The following SKIL variants were observed in gnomAD, a reference collection of about 807,000 sequenced individuals.
SKIL encodes ski-like protein.
A neutral mutation model predicts 69.6 loss-of-function variants in SKIL; 20 were observed. That is an observed-to-expected ratio of 0.29 (90% CI 0.20 to 0.42). SKIL has a LOEUF of 0.42. Ranked by LOEUF, SKIL falls within the 10% of genes least tolerant of loss-of-function variation. SKIL has a pLI of 1.00. For synonymous variants in SKIL, 310 were observed against 279.9 expected (o/e 1.11, Z -1.08); for missense variants, 745 against 783.1 (o/e 0.95, Z 0.58).
At chr3:170,364,632 A>G (rs368456178) in intron 2 of SKIL, among the ~76,000 whole-genome samples, 6 of 151,956 alleles carry the variant, frequency 3.9e-5, no homozygotes, top group East Asian at 1.9e-4. Flanking sequence ...GCCCCAGTCT[A>G]ATTATTAGTC....
In SKIL at chr3:170,395,972, G is replaced by A. The variant is rs1347120078; in HGVS notation, c.*3555G>A. 2.1e-5 allele frequency: 3 copies of A among 146,220 alleles called. No homozygotes were observed. The highest frequency in any genetic ancestry group is 7.5e-5 in the African/African-American group (3 of 39,814). 9.1% of individuals were successfully genotyped at this position (146,220 alleles called of 1,614,324 possible). A position where few individuals can be genotyped will look rare whatever the true frequency, so the allele number is the denominator to read the frequency against. ...GCATTTCCACTTTTGGAAGAAAAGT[G>A]TATTAGTATTTTATATTGCATTTCA... On this transcript the variant is annotated 3_prime_UTR_variant, in exon 7 of 7. Coordinates refer to ENST00000259119, the MANE Select transcript of SKIL (RefSeq NM_005414.5).
chr3:170,388,360 A>G (rs1425909977), intron 4 of SKIL, among the ~76,000 whole-genome samples: 1 of 152,086 alleles, frequency 6.6e-6, no homozygotes, highest in African/African-American at 2.4e-5. Context: ...TTGTTTTACT[A>G]TTGAGTTGTA....
chr3:170,365,752 C>CTTTTTTTTTTTTTTTTTTTTTTT (rs59222162), intron 2 of SKIL, among the ~76,000 whole-genome samples: 22 of 106,448 alleles, frequency 2.1e-4, no homozygotes, highest in East Asian at 1.4e-3. Context: ...TCAAACTAGG[C>CTTTTTTTTTTTTTTTTTTTTTTT]TTTTTTTTTT....
intron 2 of SKIL, among the ~76,000 whole-genome samples, chr3:170,375,273 C>CT (rs1736978625): frequency 6.6e-6 from 1 of 152,102 alleles, no homozygotes; most frequent in South Asian, 2.1e-4. Context: ...AGAATAGGAG[C>CT]TAAGAGGGAT....
At chr3:170,369,336 T>G (rs1284588870) in intron 2 of SKIL, among the ~76,000 whole-genome samples, 3 of 152,158 alleles carry the variant, frequency 2.0e-5, no homozygotes, top group African/African-American at 4.8e-5. Flanking sequence ...CAGCCAGTAG[T>G]TTTCTCGTAG....
intron 2 of SKIL, among the ~76,000 whole-genome samples, chr3:170,362,146 A>G (rs956794624): frequency 7.2e-5 from 11 of 152,188 alleles, no homozygotes; most frequent in Non-Finnish European, 1.3e-4. Flanking sequence ...TGTGATTTGA[A>G]AGGAATAACA....
At chr3:170,384,820 T>C (rs992722818) in intron 4 of SKIL, 55 bp downstream of exon 4, 19 of 946,334 alleles carry the variant, frequency 2.0e-5, no homozygotes, top group Admixed American at 1.2e-4. Context: ...ACACATTTAT[T>C]GAGCATTTTC....
intron 2 of SKIL, among the ~76,000 whole-genome samples, chr3:170,375,847 C>T (rs1387707323): frequency 2.0e-5 from 3 of 151,864 alleles, no homozygotes; most frequent in East Asian, 1.9e-4. Context: ...CCTAAAATTC[C>T]GGGGCTATAG....
At chr3:170,358,240 C>A (rs1455357635) in intron 1 of SKIL, among the ~76,000 whole-genome samples, 3 of 152,026 alleles carry the variant, frequency 2.0e-5, no homozygotes, top group African/African-American at 7.2e-5. Context: ...GCATTAGGGG[C>A]GCTGAGGTGA....
Position 170,360,431 on chromosome 3 carries a change from A to C in SKIL, c.100A>C (p.Thr34Pro), listed in dbSNP as rs756774770. 2 of 1,613,830 alleles carry C rather than the reference A, an allele frequency of 1.2e-6. No individual in the cohort carries two copies. Among genetic ancestry groups the C allele is most frequent in the Non-Finnish European group, 1.7e-6 (2 of 1,179,852 alleles). The change falls in exon 2 of 7, where the codon ACG (threonine) becomes CCG (proline). Residue 34 changes from threonine to proline, a missense_variant. By Grantham distance (38) the Thr-to-Pro change is conservative (BLOSUM62 -1). Coordinates refer to ENST00000259119, the MANE Select transcript of SKIL (RefSeq NM_005414.5). Reference protein sequence around the residue: ...DGSPPAKKMITDIHANGKTIN... With the variant: ...DGSPPAKKMIPDIHANGKTIN... The stretch of plus-strand genomic sequence containing the variant: ...CAGCCCCCCAGCGAAAAAAATGATA[A>C]CGGACATTCATGCAAATGGAAAAAC...
In SKIL at chr3:170,384,713, G is replaced by T; in HGVS notation, c.1377G>T (p.Glu459Asp). The T allele has an allele frequency of 1.2e-6, 2 of 1,611,318 alleles. No individual in the cohort carries two copies. Among genetic ancestry groups the T allele is most frequent in the Non-Finnish European group, 1.7e-6 (2 of 1,178,158 alleles). ...TGTCTTATCCAGATGTCTCACTTGA[G>T]GAACAGGAGAAAATGGATTTAAAAA... ...KTVSYPDVSL[E>D]EQEKMDLKTS... Residue 459 changes from glutamate (E) to aspartate (D), a missense_variant, in exon 4 of 7, where the codon GAG (glutamate) becomes GAT (aspartate). By Grantham distance (45) the Glu-to-Asp change is conservative. Transcript: ENST00000259119.
At chr3:170,376,060 T>C (rs974042557) in intron 2 of SKIL, among the ~76,000 whole-genome samples, 4 of 147,632 alleles carry the variant, frequency 2.7e-5, no homozygotes, top group Non-Finnish European at 6.0e-5. Context: ...TTTTTTTTTT[T>C]TTTTTGAGAC....
chr3:170,384,989 G>C (rs1297689316), intron 4 of SKIL: 1 of 318,838 alleles, frequency 3.1e-6, no homozygotes, highest in Non-Finnish European at 5.7e-6. Context: ...CAGGCTACCT[G>C]GCCTCAGACT....
chr3:170,392,228 T>G, intron 6 of SKIL, 31 bp from the exon 7 acceptor site: 1 of 1,542,202 alleles, frequency 6.5e-7, no homozygotes, highest in South Asian at 1.2e-5. Flanking sequence ...ACAAAACAAT[T>G]AAAATTGATA....
chr3:170,380,370 C>T (rs558703729), intron 2 of SKIL, among the ~76,000 whole-genome samples: 1 of 152,262 alleles, frequency 6.6e-6, no homozygotes, highest in South Asian at 2.1e-4. Context: ...TGGCCAGGCT[C>T]AGTGGCTCAT....
At position 170,360,234 on chromosome 3, in the gene SKIL, A is replaced by C; in HGVS notation, c.-98A>C. On this transcript the variant is annotated 5_prime_UTR_variant, in exon 2 of 7. Transcript: ENST00000259119. ...TTTGAAAGTTTGAGAGTAAGTTACGATAGGCATTTGTATCCATTCATTACT... is the reference window on the plus strand; with the variant it reads ...TTTGAAAGTTTGAGAGTAAGTTACGCTAGGCATTTGTATCCATTCATTACT... The C allele has an allele frequency of 8.5e-7, 1 of 1,179,732 alleles. No individual in the cohort carries two copies. The highest frequency in any genetic ancestry group is 1.2e-6 in the Non-Finnish European group (1 of 848,982). 73.1% of individuals were successfully genotyped at this position (1,179,732 alleles called of 1,614,324 possible).
chr3:170,381,521 C>A (rs1273716740), intron 3 of SKIL, among the ~76,000 whole-genome samples, 180 bp downstream of exon 3: 2 of 152,072 alleles, frequency 1.3e-5, no homozygotes, highest in Admixed American at 6.5e-5. Context: ...CAACCTCCGC[C>A]TCACGGGTTC....
At chr3:170,386,664 C>T (rs1327465286) in intron 4 of SKIL, among the ~76,000 whole-genome samples, 2 of 151,914 alleles carry the variant, frequency 1.3e-5, no homozygotes, top group African/African-American at 4.8e-5. Context: ...GAGACAGGGT[C>T]TCACTGTATT....
chr3:170,366,055 CTTT>C (rs753671366), intron 2 of SKIL, among the ~76,000 whole-genome samples: 2 of 128,318 alleles, frequency 1.6e-5, no homozygotes, highest in Admixed American at 7.9e-5. Flanking sequence ...TGCGCCTGGC[CTTT>C]TTTTTTTTTT....
Sources: gnomAD v4.1 joint callset for allele counts (sites outside exome capture counted in the v4.1 genomes callset) on GRCh38, gnomAD v4.1.1 for gene constraint, MANE v1.5 for transcripts, NCBI Gene and HGNC (gene_info 2026-07-23, HGNC 2026-07-21) for gene names.